Variants in TTLL5 observed in about 807,000 individuals in gnomAD.
TTLL5 encodes the protein tubulin tyrosine ligase like 5, also known as tubulin polyglutamylase TTLL5.
TTLL5 carries 132 observed loss-of-function variants against 168.4 expected under a neutral mutation model. The observed-to-expected ratio is 0.78, with a 90% CI of 0.68 to 0.91. The LOEUF is 0.91. Ranked by LOEUF, TTLL5 falls within the 40% of genes least tolerant of loss-of-function variation. The pLI is 0.00. For missense variants in TTLL5, 1,545 were observed against 1,581.5 expected (o/e 0.98, Z 0.39); for synonymous variants, 546 against 558.6 (o/e 0.98, Z 0.32).
intron 31 of TTLL5, among the ~76,000 whole-genome samples, chr14:75,935,551 G>A (rs1225635122): frequency 6.6e-6 from 1 of 152,158 alleles, no homozygotes; most frequent in African/African-American, 2.4e-5. Flanking sequence ...ATGGTGGGAG[G>A]ATCCCACAAG....
chr14:75,687,305 GCT>G (rs1161396468), intron 5 of TTLL5, among the ~76,000 whole-genome samples: 1 of 152,058 alleles, frequency 6.6e-6, no homozygotes, highest in African/African-American at 2.4e-5. Context: ...GGACAGTTTC[GCT>G]CTGTCACCCA....
intron 28 of TTLL5, among the ~76,000 whole-genome samples, chr14:75,843,034 G>A (rs1354515950): frequency 6.6e-6 from 1 of 152,198 alleles, no homozygotes; most frequent in African/African-American, 2.4e-5. Context: ...CTTTCAGTAT[G>A]CCCAAATTTC....
intron 29 of TTLL5, among the ~76,000 whole-genome samples, chr14:75,874,080 A>C (rs200219141): frequency 4.8e-4 from 4 of 8,362 alleles, no homozygotes; most frequent in Admixed American, 1.6e-3. Flanking sequence ...GTTATTCTTT[A>C]TTTATTTATT....
At chr14:75,818,134 G>A (rs143361975) in intron 27 of TTLL5, among the ~76,000 whole-genome samples, 1 of 151,894 alleles carries the variant, frequency 6.6e-6, no homozygotes, top group Non-Finnish European at 1.5e-5. Context: ...CACCGTGCCC[G>A]GCCCCATTCT....
intron 3 of TTLL5, among the ~76,000 whole-genome samples, chr14:75,673,000 G>A (rs1233679901): frequency 6.6e-6 from 1 of 152,022 alleles, no homozygotes; most frequent in African/African-American, 2.4e-5. Flanking sequence ...GTGCAGTGGT[G>A]TAATCCTAGC....
At chr14:75,929,687 A>C (rs1011908313) in intron 31 of TTLL5, among the ~76,000 whole-genome samples, 1 of 152,140 alleles carries the variant, frequency 6.6e-6, no homozygotes. Flanking sequence ...TCCTGATCTC[A>C]GGTGATCTAC....
chr14:75,687,938 G>T (rs1165304688), intron 5 of TTLL5, among the ~76,000 whole-genome samples: 1 of 152,204 alleles, frequency 6.6e-6, no homozygotes, highest in Non-Finnish European at 1.5e-5. Context: ...AACACCAAGT[G>T]TGGGCCAGGA....
At chr14:75,841,624 A>C (rs8013683) in intron 28 of TTLL5, among the ~76,000 whole-genome samples, 1 of 152,204 alleles carries the variant, frequency 6.6e-6, no homozygotes, top group East Asian at 1.9e-4. Flanking sequence ...CTAATTTTTA[A>C]ATTTCTTCCA....
chr14:75,743,489 T>C (rs1227753353), intron 15 of TTLL5, among the ~76,000 whole-genome samples: 1 of 151,942 alleles, frequency 6.6e-6, no homozygotes, highest in Non-Finnish European at 1.5e-5. Flanking sequence ...CTCCATTTTG[T>C]TGTATGCTCA....
At chr14:75,903,023 A>C (rs2032993208) in intron 31 of TTLL5, among the ~76,000 whole-genome samples, 2 of 152,186 alleles carry the variant, frequency 1.3e-5, no homozygotes, top group South Asian at 4.1e-4. Flanking sequence ...GACTACATTG[A>C]CTGAGGATTT....
At chr14:75,686,345 ATC>A (rs1566814196) in intron 5 of TTLL5, among the ~76,000 whole-genome samples, 1 of 152,090 alleles carries the variant, frequency 6.6e-6, no homozygotes, top group Non-Finnish European at 1.5e-5. Flanking sequence ...TTCTATATCC[ATC>A]TCTCAATGAT....
intron 30 of TTLL5, among the ~76,000 whole-genome samples, chr14:75,891,203 C>T (rs1224492499): frequency 6.6e-6 from 1 of 152,174 alleles, no homozygotes; most frequent in Non-Finnish European, 1.5e-5. Flanking sequence ...CCTACATATC[C>T]ATGTCATCTC....
At chr14:75,669,655 C>A in intron 3 of TTLL5, 133 bp downstream of exon 3, 3 of 550,528 alleles carry the variant, frequency 5.4e-6, no homozygotes, top group Non-Finnish European at 8.8e-6. Flanking sequence ...TGTTATACTT[C>A]AAACATTATA....
At chr14:75,686,725 A>G (rs1464933511) in intron 5 of TTLL5, among the ~76,000 whole-genome samples, 1 of 151,712 alleles carries the variant, frequency 6.6e-6, no homozygotes, top group Admixed American at 6.6e-5. Flanking sequence ...TTTTTTTGCC[A>G]TGCTATGTTT....
chr14:75,847,289 C>G (rs1896599126), intron 28 of TTLL5, among the ~76,000 whole-genome samples: 1 of 152,024 alleles, frequency 6.6e-6, no homozygotes, highest in South Asian at 2.1e-4. Flanking sequence ...AGGCGTGAGC[C>G]ACCGCATCTG....
At chr14:75,891,726 A>G (rs1222636248) in intron 30 of TTLL5, among the ~76,000 whole-genome samples, 2 of 152,202 alleles carry the variant, frequency 1.3e-5, no homozygotes, top group African/African-American at 2.4e-5. Flanking sequence ...CTCATTATTT[A>G]TGCCTTGTAG....
At chr14:75,829,268 T>C (rs568147629) in intron 28 of TTLL5, among the ~76,000 whole-genome samples, 1 of 152,328 alleles carries the variant, frequency 6.6e-6, no homozygotes, top group Non-Finnish European at 1.5e-5. Context: ...TATTTGGTGC[T>C]TGGCACTATG....
chr14:75,754,519 AT>A (rs2140277266), intron 18 of TTLL5, among the ~76,000 whole-genome samples: 2 of 152,286 alleles, frequency 1.3e-5, no homozygotes, highest in South Asian at 4.2e-4. Flanking sequence ...CTATACTTGA[AT>A]TTCCCAGGAA....
At chr14:75,700,373 C>T (rs1295337665) in intron 7 of TTLL5, among the ~76,000 whole-genome samples, 1 of 152,206 alleles carries the variant, frequency 6.6e-6, no homozygotes, top group African/African-American at 2.4e-5. Context: ...TAGGCTCAAG[C>T]ATGTGCCCTA....
Sources: gnomAD v4.1 joint callset for allele counts (sites outside exome capture counted in the v4.1 genomes callset) on GRCh38, gnomAD v4.1.1 for gene constraint, MANE v1.5 for transcripts, NCBI Gene and HGNC (gene_info 2026-07-23, HGNC 2026-07-21) for gene names.